The following MLKL variants were observed in gnomAD, a reference collection of about 807,000 sequenced individuals.
The protein encoded by MLKL is mixed lineage kinase domain-like protein.
A neutral mutation model predicts 56.5 loss-of-function variants in MLKL; 55 were observed. The ratio of observed to expected loss-of-function variants is 0.97; its 90% CI spans 0.78 to 1.22. The LOEUF (loss-of-function observed/expected upper bound fraction) is 1.22. Ranked by LOEUF, MLKL falls within the 50% of genes most tolerant of loss-of-function variation. The pLI is 0.00. For synonymous variants in MLKL, 251 were observed against 208.3 expected (o/e 1.20, Z -1.76); for missense variants, 694 against 573.9 (o/e 1.21, Z -2.14).
At chr16:74,675,428 A>G in intron 8 of MLKL, 24 bp from the exon 9 acceptor site, 2 of 1,611,612 alleles carry the variant, frequency 1.2e-6, no homozygotes, top group Non-Finnish European at 1.7e-6. Flanking sequence ...AAGAAACTGA[A>G]CAACCATAAC....
At chr16:74,677,422 G>C (rs951553473) in intron 7 of MLKL, 3 of 152,238 alleles carry the variant, frequency 2.0e-5, no homozygotes, top group African/African-American at 7.2e-5. Flanking sequence ...CGTAAACATA[G>C]CTCCCTGCAG....
At chr16:74,696,229 A>G (rs1183995090) in intron 1 of MLKL, among the ~76,000 whole-genome samples, 2 of 152,190 alleles carry the variant, frequency 1.3e-5, no homozygotes, top group Non-Finnish European at 2.9e-5. Flanking sequence ...TGGACTGTTA[A>G]GTGATCAAGG....
chr16:74,696,326 A>G lies in MLKL; in HGVS notation c.-2-567T>C, dbSNP rs539096133. 2.6e-4 allele frequency among the ~76,000 whole-genome samples: 40 copies of G among 152,302 alleles called. 1 individual carries two copies. The highest frequency in any genetic ancestry group is 1.0e-3 in the Admixed American group (16 of 15,300). ...CGTCTATTACAGATATATCCTGCTA[A>G]AGCATAGAGGTTTCAGGGGCCAGGC... On this transcript the variant is annotated intron_variant, in intron 1 of 10. Transcript: ENST00000308807.
intron 3 of MLKL, 25 bp downstream of exon 3, chr16:74,692,310 CATCAGAA>C: frequency 6.3e-7 from 1 of 1,585,878 alleles, no homozygotes; most frequent in African/African-American, 1.4e-5. Context: ...GTTTGGGGGC[CATCAGAA>C]ACAGCAGGGC....
chr16:74,675,480 A>T lies in MLKL; in HGVS notation c.1191-76T>A, dbSNP rs374651967. 946 of 1,580,286 alleles carry T rather than the reference A, an allele frequency of 6.0e-4. 12 individuals are homozygous for T. The South Asian group carries it at 0.01, about 17-fold the overall frequency. On this transcript the variant is annotated intron_variant, in intron 8 of 10. Coordinates refer to ENST00000308807, the MANE Select transcript of MLKL (RefSeq NM_152649.4). ...CTGTCCCTCTAGCCACTGCCAGAAA[A>T]CTCAGTGAATTTTTTGATTACTACC...
intron 6 of MLKL, among the ~76,000 whole-genome samples, chr16:74,682,309 T>C (rs1365457574): frequency 6.6e-6 from 1 of 152,174 alleles, no homozygotes; most frequent in Non-Finnish European, 1.5e-5. Context: ...ATGCAATGTT[T>C]AGGATGCACT....
intron 5 of MLKL, 61 bp from the exon 6 acceptor site, chr16:74,682,847 A>T (rs1960077671): frequency 1.3e-6 from 2 of 1,589,864 alleles, no homozygotes; most frequent in South Asian, 2.3e-5. Context: ...CCATGTCTGC[A>T]GCCCACCTCT....
chr16:74,673,373 A>G (rs143498417), intron 10 of MLKL, among the ~76,000 whole-genome samples: 2 of 152,126 alleles, frequency 1.3e-5, no homozygotes, highest in East Asian at 3.9e-4. Flanking sequence ...GTGTGCCACT[A>G]TGCCCAGCTA....
intron 3 of MLKL, 29 bp downstream of exon 3, chr16:74,692,313 C>G: frequency 6.3e-7 from 1 of 1,597,382 alleles, no homozygotes; most frequent in Non-Finnish European, 8.6e-7. Context: ...TGGGGGCCAT[C>G]AGAAACAGCA....
At chr16:74,676,242 C>G (rs2144450246) in intron 7 of MLKL, 1 of 992,110 alleles carries the variant, frequency 1.0e-6, no homozygotes, top group South Asian at 4.6e-5. Flanking sequence ...GGGGGTCAGC[C>G]TGATCCTTTG....
In MLKL at chr16:74,682,737, G is replaced by T; in HGVS notation, c.870C>A (p.Thr290=). The change falls in exon 6 of 11, where the codon ACC becomes ACA. Residue 290 remains threonine, a synonymous_variant. Transcript: ENST00000308807. The stretch of plus-strand genomic sequence containing the variant: ...TTTCCCTATCCAACAGCTCCCTCAG[G>T]GTCCCGAGTTCACAGTACTCCATGA... ...SIVMEYCELG[T]LRELLDREKD... 1.2e-6 allele frequency: 2 copies of T among 1,614,036 alleles called. No homozygotes were observed. The highest frequency in any genetic ancestry group is 2.2e-5 in the South Asian group (2 of 91,068).
At chr16:74,698,263 T>G (rs11865691) in intron 1 of MLKL, among the ~76,000 whole-genome samples, 6,994 of 152,102 alleles carry the variant, frequency 0.046, 536 homozygotes, top group African/African-American at 0.16. Context: ...AAAGTTAGTT[T>G]TTTTTTTTTT....
intron 1 of MLKL, among the ~76,000 whole-genome samples, chr16:74,697,326 A>G (rs1961104638): frequency 6.6e-6 from 1 of 152,138 alleles, no homozygotes; most frequent in Non-Finnish European, 1.5e-5. Flanking sequence ...TTGAACTGAC[A>G]TGAAGTGTAC....
chr16:74,676,009 G>T, intron 7 of MLKL: 1 of 489,360 alleles, frequency 2.0e-6, no homozygotes, highest in East Asian at 3.6e-5. Context: ...ATGACAGGGG[G>T]GATTACTTGA....
intron 6 of MLKL, among the ~76,000 whole-genome samples, chr16:74,680,615 T>C (rs911217953): frequency 6.6e-6 from 1 of 152,198 alleles, no homozygotes; most frequent in Non-Finnish European, 1.5e-5. Flanking sequence ...CAAGCGATTC[T>C]CCTGCCTCAG....
rs747886552 is a variant in MLKL at position 74,691,413 on chromosome 16, T to G, written c.586A>C (p.Ile196Leu). The change falls in exon 4 of 11, where the codon ATC (isoleucine) becomes CTC (leucine). Residue 196 changes from isoleucine (I) to leucine (L), a missense_variant. By Grantham distance (5) the Ile-to-Leu change is conservative. Coordinates refer to ENST00000308807, the MANE Select transcript of MLKL (RefSeq NM_152649.4). ...QEIPQEQIKE[I>L]KKEQLSGSPW... Reference sequence around the variant, plus strand: ...GATCCTGAAAGCTGCTCCTTCTTGATCTCCTTGATTTGCTCTTGCGGGATC... The same window carrying G: ...GATCCTGAAAGCTGCTCCTTCTTGAGCTCCTTGATTTGCTCTTGCGGGATC... The G allele has an allele frequency of 3.1e-6, 5 of 1,614,058 alleles. No individual in the cohort carries two copies. Among genetic ancestry groups the G allele is most frequent in the Non-Finnish European group, 3.4e-6 (4 of 1,180,000 alleles).
intron 4 of MLKL, among the ~76,000 whole-genome samples, chr16:74,685,879 A>C (rs2144509268): frequency 6.6e-6 from 1 of 152,298 alleles, no homozygotes; most frequent in South Asian, 2.1e-4. Flanking sequence ...TTTACTAGGC[A>C]AACTAAAAAG....
chr16:74,691,081 CA>C (rs1186502735), intron 4 of MLKL, among the ~76,000 whole-genome samples, 195 bp downstream of exon 4: 1 of 150,622 alleles, frequency 6.6e-6, no homozygotes, highest in Non-Finnish European at 1.5e-5. Flanking sequence ...TATATGTGGA[CA>C]AAGGAGAGAA....
intron 4 of MLKL, among the ~76,000 whole-genome samples, chr16:74,686,150 C>A (rs187836378): frequency 3.9e-5 from 6 of 152,140 alleles, no homozygotes; most frequent in African/African-American, 1.4e-4. Context: ...TTTGCAGAGA[C>A]ATGATTTCAC....
Sources: allele counts gnomAD v4.1 joint callset (sites outside exome capture counted in the v4.1 genomes callset), GRCh38; gene constraint gnomAD v4.1.1; transcripts MANE v1.5; gene names NCBI Gene and HGNC (gene_info 2026-07-23, HGNC 2026-07-21).